ADAMTS9: variants seen among roughly 807,000 people sequenced by gnomAD.
The protein encoded by ADAMTS9 is ADAM metallopeptidase with thrombospondin type 1 motif 9.
A neutral mutation model predicts 257.1 loss-of-function variants in ADAMTS9; 107 were observed. The observed-to-expected ratio is 0.42, with a 90% CI of 0.36 to 0.49. ADAMTS9 has a LOEUF of 0.49. Ranked by LOEUF, ADAMTS9 falls within the 20% of genes least tolerant of loss-of-function variation. The pLI is 0.03. For synonymous variants in ADAMTS9, 982 were observed against 880.9 expected, an observed-to-expected ratio of 1.11 and a Z score of -2.03; for missense variants, 2,353 against 2,469.1, an observed-to-expected ratio of 0.95 and a Z score of 1.00.
intron 2 of ADAMTS9, among the ~76,000 whole-genome samples, chr3:64,682,929 C>G (rs999983152): frequency 6.6e-6 from 1 of 152,180 alleles, no homozygotes; most frequent in South Asian, 2.1e-4. Flanking sequence ...AGGGCATTAC[C>G]CCCTACTCAC....
At chr3:64,630,826 A>G (rs141695849) in intron 16 of ADAMTS9, among the ~76,000 whole-genome samples, 136 of 152,346 alleles carry the variant, frequency 8.9e-4, no homozygotes, top group Non-Finnish European at 1.6e-3. Flanking sequence ...GGGCTGAGCA[A>G]ACTGTTGAAA....
intron 12 of ADAMTS9, among the ~76,000 whole-genome samples, chr3:64,635,405 G>C (rs2106903630): frequency 6.6e-6 from 1 of 152,326 alleles, no homozygotes; most frequent in South Asian, 2.1e-4. Flanking sequence ...AACTTAGCAA[G>C]AAGTCTGATC....
At chr3:64,551,938 C>T (rs2083276509) in intron 30 of ADAMTS9, among the ~76,000 whole-genome samples, 2 of 152,276 alleles carry the variant, frequency 1.3e-5, no homozygotes, top group South Asian at 4.1e-4. Context: ...GCTCTCATGC[C>T]ACATCATTCT....
chr3:64,597,815 G>T (rs1216630367), intron 26 of ADAMTS9, among the ~76,000 whole-genome samples: 1 of 152,070 alleles, frequency 6.6e-6, no homozygotes, highest in African/African-American at 2.4e-5. Context: ...AACCCAAAAT[G>T]TTTGCTAGTG....
At chr3:64,649,878 A>T in intron 9 of ADAMTS9, 100 bp from the exon 10 acceptor site, 1 of 1,359,272 alleles carries the variant, frequency 7.4e-7, no homozygotes, top group Non-Finnish European at 1.0e-6. Flanking sequence ...AATGGTAGAG[A>T]GGACAGTTAC....
intron 12 of ADAMTS9, among the ~76,000 whole-genome samples, chr3:64,639,152 A>G (rs1206976674): frequency 2.0e-5 from 3 of 151,886 alleles, no homozygotes; most frequent in African/African-American, 4.8e-5. Context: ...TCTCTTTTCA[A>G]ATTGACTCCC....
chr3:64,525,026 G>T (rs556826199), intron 38 of ADAMTS9, among the ~76,000 whole-genome samples: 3 of 152,152 alleles, frequency 2.0e-5, no homozygotes, highest in South Asian at 2.1e-4. Flanking sequence ...TCCTGACCTG[G>T]TTATCTGCCG....
chr3:64,539,161 G>A, intron 37 of ADAMTS9, 42 bp downstream of exon 37: 1 of 1,539,642 alleles, frequency 6.5e-7, no homozygotes, highest in Non-Finnish European at 9.0e-7. Flanking sequence ...GGGAAAGGTG[G>A]GAGGTGAATC....
intron 3 of ADAMTS9, among the ~76,000 whole-genome samples, chr3:64,680,289 T>C (rs1701721447): frequency 6.6e-6 from 1 of 152,198 alleles, no homozygotes; most frequent in South Asian, 2.1e-4. Context: ...AGATGCTATT[T>C]AATTTGGAGA....
At chr3:64,601,722 C>T (rs901652367) in intron 26 of ADAMTS9, among the ~76,000 whole-genome samples, 3 of 152,122 alleles carry the variant, frequency 2.0e-5, no homozygotes, top group Non-Finnish European at 2.9e-5. Flanking sequence ...CATGATATCC[C>T]CTTTCTCCAC....
At chr3:64,685,814 G>A (rs986232436) in intron 2 of ADAMTS9, among the ~76,000 whole-genome samples, 1 of 152,050 alleles carries the variant, frequency 6.6e-6, no homozygotes, top group African/African-American at 2.4e-5. Context: ...AATCACGTCC[G>A]GACAGCCTCT....
intron 2 of ADAMTS9, among the ~76,000 whole-genome samples, chr3:64,684,285 G>A (rs941523926): frequency 6.6e-6 from 1 of 151,918 alleles, no homozygotes; most frequent in Non-Finnish European, 1.5e-5. Flanking sequence ...TAAGGAGAGA[G>A]GGGGAGAAAA....
At chr3:64,656,430 C>T (rs1275356437) in intron 4 of ADAMTS9, among the ~76,000 whole-genome samples, 1 of 152,124 alleles carries the variant, frequency 6.6e-6, no homozygotes, top group East Asian at 1.9e-4. Flanking sequence ...GGGCTGAAAA[C>T]TAAATACACA....
intron 29 of ADAMTS9, 113 bp from the exon 30 acceptor site, chr3:64,561,864 T>C (rs1273711310): frequency 4.5e-6 from 4 of 885,160 alleles, no homozygotes. Flanking sequence ...ATGACTTTCA[T>C]AGCTATCACA....
chr3:64,687,070 C>A lies in ADAMTS9; in HGVS notation c.116-102G>T. On this transcript the variant is annotated intron_variant, in intron 1 of 39. Transcript: ENST00000498707. The surrounding 1 kb of genome is among the most constrained non-coding windows in gnomAD (Gnocchi z 4.4). ...TTTGTTCTGACCTTATTTTCCAGCCCATTCGAGTCAATCCCTTCACCCTTA... is the reference window on the plus strand; with the variant it reads ...TTTGTTCTGACCTTATTTTCCAGCCAATTCGAGTCAATCCCTTCACCCTTA... The A allele has an allele frequency of 7.3e-7, 1 of 1,375,756 alleles. No homozygotes were observed. Among genetic ancestry groups the A allele is most frequent in the East Asian group, 2.3e-5 (1 of 43,414 alleles). The allele number at this position is 1,375,756 out of a possible 1,614,324, so 85.2% of individuals were successfully genotyped here.
At chr3:64,622,611 A>C in intron 16 of ADAMTS9, 25 bp from the exon 17 acceptor site, 1 of 1,611,294 alleles carries the variant, frequency 6.2e-7, no homozygotes, top group Middle Eastern at 1.7e-4. Flanking sequence ...ACAGAATAAT[A>C]CATTGATCTG....
intron 8 of ADAMTS9, among the ~76,000 whole-genome samples, chr3:64,652,499 T>C (rs1362325708): frequency 1.3e-5 from 2 of 152,212 alleles, no homozygotes; most frequent in African/African-American, 4.8e-5. Context: ...ATTCAAATCT[T>C]AGTGGTTTCT....
chr3:64,580,145 C>T (rs1215108620), intron 28 of ADAMTS9, among the ~76,000 whole-genome samples: 1 of 152,070 alleles, frequency 6.6e-6, no homozygotes, highest in Non-Finnish European at 1.5e-5. Flanking sequence ...AAACAGAATA[C>T]AATGAAATGC....
chr3:64,652,734 A>G (rs1700963150), intron 8 of ADAMTS9, among the ~76,000 whole-genome samples: 1 of 152,208 alleles, frequency 6.6e-6, no homozygotes, highest in Non-Finnish European at 1.5e-5. Flanking sequence ...TGCACCAGAA[A>G]ATGTGCTAAA....
Sources: allele counts gnomAD v4.1 joint callset (sites outside exome capture counted in the v4.1 genomes callset), GRCh38; gene constraint gnomAD v4.1.1; non-coding constraint Gnocchi (gnomAD v3.1); transcripts MANE v1.5; gene names NCBI Gene and HGNC (gene_info 2026-07-23, HGNC 2026-07-21).